The following CAAP1 variants were observed in gnomAD, a reference collection of about 807,000 sequenced individuals.
CAAP1 encodes caspase activity and apoptosis inhibitor 1.
CAAP1 carries 20 observed loss-of-function variants against 34.0 expected under a neutral mutation model. The ratio of observed to expected loss-of-function variants is 0.59; its 90% CI spans 0.41 to 0.86. The LOEUF (loss-of-function observed/expected upper bound fraction) is 0.86. CAAP1 is among the 40% of genes least tolerant of loss of function. The pLI, the probability that CAAP1 is intolerant of heterozygous loss-of-function variation, is 0.00. For synonymous variants in CAAP1, 213 were observed against 166.7 expected (o/e 1.28, Z -2.14); for missense variants, 538 against 450.5 (o/e 1.19, Z -1.76).
rs1491336682 is a variant in CAAP1 at position 26,880,093 on chromosome 9, CCG to C, written c.665+4715_665+4716del. 9.8e-4 allele frequency: 70 copies of C among 71,196 alleles called. No individual in the cohort carries two copies. In the East Asian group the frequency reaches 0.028, roughly 29 times the overall value. 4.4% of individuals were successfully genotyped at this position (71,196 alleles called of 1,614,324 possible). On this transcript the variant is annotated intron_variant, in intron 4 of 5. Coordinates refer to ENST00000333916, the MANE Select transcript of CAAP1 (RefSeq NM_024828.4). The stretch of plus-strand genomic sequence containing the variant: ...AAACTACCAATAATAGGAAAAAAAT[CCG>C]GGGGGGGGGGGTCTCTTTTAGAGAA...
intron 4 of CAAP1, 71 bp downstream of exon 4, chr9:26,884,739 C>G (rs113225932): frequency 4.8e-6 from 5 of 1,041,272 alleles, no homozygotes; most frequent in Admixed American, 1.9e-5. Context: ...ACAATCATAT[C>G]TTTGACATAA....
chr9:26,885,798 G>C (rs1359674434), intron 3 of CAAP1, among the ~76,000 whole-genome samples: 6 of 151,908 alleles, frequency 3.9e-5, no homozygotes, highest in African/African-American at 1.2e-4. Flanking sequence ...AGATTTTAAG[G>C]GAAATCTTTG....
At chr9:26,864,564 C>G (rs1432495849) in intron 4 of CAAP1, among the ~76,000 whole-genome samples, 1 of 152,126 alleles carries the variant, frequency 6.6e-6, no homozygotes, top group Non-Finnish European at 1.5e-5. Flanking sequence ...TTTTTCTGAC[C>G]TGTGATTCTC....
rs1435788583 is a variant in CAAP1 at position 26,884,901 on chromosome 9, A to C, written c.590-16T>G. The C allele has an allele frequency of 1.3e-6, 2 of 1,550,828 alleles. No homozygotes were observed. Among genetic ancestry groups the C allele is most frequent in the Non-Finnish European group, 1.8e-6 (2 of 1,130,920 alleles). ...CCATTGTCACCTTATAAATGAAAGA[A>C]ACTATTGAAAGCACACTTATAAAAA... On this transcript the variant is annotated splice_polypyrimidine_tract_variant and intron_variant, in intron 3 of 5. Transcript: ENST00000333916.
At chr9:26,882,896 C>T (rs1455349655) in intron 4 of CAAP1, among the ~76,000 whole-genome samples, 1 of 152,200 alleles carries the variant, frequency 6.6e-6, no homozygotes, top group African/African-American at 2.4e-5. Context: ...TAAAATTTGA[C>T]TGCCTCGCTG....
At chr9:26,847,198 A>ATATTTTTTTTTTTT (rs1554649570) in intron 5 of CAAP1, among the ~76,000 whole-genome samples, 1 of 34,708 alleles carries the variant, frequency 2.9e-5, no homozygotes, top group Non-Finnish European at 5.0e-5. Context: ...AAAAAGCAAT[A>ATATTTTTTTTTTTT]TTTTTTTTTT....
At chr9:26,850,366 T>C (rs1299473086) in intron 5 of CAAP1, among the ~76,000 whole-genome samples, 2 of 152,146 alleles carry the variant, frequency 1.3e-5, no homozygotes, top group Non-Finnish European at 2.9e-5. Flanking sequence ...CCCAAAAATG[T>C]CGAGATCTTT....
chr9:26,881,474 A>G (rs571977597), intron 4 of CAAP1, among the ~76,000 whole-genome samples: 61 of 152,256 alleles, frequency 4.0e-4, no homozygotes, highest in African/African-American at 1.3e-3. Flanking sequence ...TAAGTTTCAC[A>G]AGATCTGATG....
intron 5 of CAAP1, among the ~76,000 whole-genome samples, chr9:26,843,699 A>G (rs1822534000): frequency 1.3e-5 from 2 of 152,030 alleles, no homozygotes; most frequent in African/African-American, 4.8e-5. Flanking sequence ...TTTACAAAAC[A>G]TAGATTGACA....
At chr9:26,862,424 A>C (rs1287000395) in intron 4 of CAAP1, among the ~76,000 whole-genome samples, 1 of 152,094 alleles carries the variant, frequency 6.6e-6, no homozygotes, top group African/African-American at 2.4e-5. Context: ...ACAAAAAAAA[A>C]AAGACTTCAA....
intron 4 of CAAP1, among the ~76,000 whole-genome samples, chr9:26,874,994 A>T (rs1237732115): frequency 3.9e-5 from 6 of 152,348 alleles, no homozygotes; most frequent in African/African-American, 1.2e-4. Context: ...ATTTAATGTA[A>T]GAAAACTAAC....
intron 1 of CAAP1, chr9:26,892,173 A>G: frequency 8.5e-7 from 1 of 1,182,348 alleles, no homozygotes; most frequent in Non-Finnish European, 1.1e-6. Flanking sequence ...CCAAGAGTTT[A>G]AAAAATAAAT....
chr9:26,857,803 C>G (rs192608978), intron 5 of CAAP1, among the ~76,000 whole-genome samples: 2 of 152,124 alleles, frequency 1.3e-5, no homozygotes, highest in African/African-American at 4.8e-5. Flanking sequence ...AGTGTAAAAT[C>G]TGATACTCAT....
chr9:26,870,987 G>A (rs1823262541), intron 4 of CAAP1, among the ~76,000 whole-genome samples: 2 of 152,194 alleles, frequency 1.3e-5, no homozygotes, highest in South Asian at 4.2e-4. Flanking sequence ...CATCAATGCA[G>A]TTCTATAGAG....
intron 5 of CAAP1, among the ~76,000 whole-genome samples, chr9:26,857,626 C>A (rs965046615): frequency 3.9e-5 from 6 of 151,934 alleles, no homozygotes; most frequent in African/African-American, 1.4e-4. Context: ...AGCAAAAAAA[C>A]AAAAACAAAA....
chr9:26,890,094 G>A (rs566026993), intron 1 of CAAP1, among the ~76,000 whole-genome samples: 107 of 152,214 alleles, frequency 7.0e-4, no homozygotes, highest in Non-Finnish European at 1.4e-3. Context: ...AACTGGTCAG[G>A]CGCGGTGGCT....
At chr9:26,889,263 G>C (rs1314566165) in intron 1 of CAAP1, among the ~76,000 whole-genome samples, 4 of 151,966 alleles carry the variant, frequency 2.6e-5, no homozygotes, top group Admixed American at 6.6e-5. Context: ...ATAAAAAACA[G>C]AAAAATTAGC....
rs777395213 is a variant in CAAP1 at position 26,884,816 on chromosome 9, A to C, written c.659T>G (p.Val220Gly). 1 of 1,606,162 alleles carries C rather than the reference A, an allele frequency of 6.2e-7. No individual in the cohort carries two copies. The highest frequency in any genetic ancestry group is 1.7e-5 in the Admixed American group (1 of 59,838). ...DDGSKMGSDL[V>G]SQQDICIDSA... ...TGAAAGTTTTTAAACTTACTGACTG[A>C]CTAAATCAGATCCCATCTTAGAACC... The change falls in exon 4 of 6, where the codon GTC becomes GGC. Residue 220 changes from valine (V) to glycine (G), a missense_variant. This residue lies in a region of CAAP1 where 514 missense variants were observed against 408.4 expected (regional missense o/e 1.26). Transcript: ENST00000333916.
At chr9:26,877,405 A>T (rs570030233) in intron 4 of CAAP1, among the ~76,000 whole-genome samples, 1 of 152,190 alleles carries the variant, frequency 6.6e-6, no homozygotes, top group African/African-American at 2.4e-5. Context: ...TTGCACAACA[A>T]ATCACCTAAC....
Sources: allele counts gnomAD v4.1 joint callset (sites outside exome capture counted in the v4.1 genomes callset), GRCh38; gene constraint gnomAD v4.1.1; regional missense constraint gnomAD v4.1.1; transcripts MANE v1.5; gene names NCBI Gene and HGNC (gene_info 2026-07-23, HGNC 2026-07-21).